The following ZBTB16 variants were observed in gnomAD, a reference collection of about 807,000 sequenced individuals.
ZBTB16 encodes zinc finger and BTB domain-containing protein 16.
A neutral mutation model predicts 56.8 loss-of-function variants in ZBTB16; 8 were observed. That is an observed-to-expected ratio of 0.14 (90% CI 0.08 to 0.25). The LOEUF is 0.25. ZBTB16 is among the 10% of genes least tolerant of loss of function. The pLI is 1.00. For missense variants in ZBTB16, 625 were observed against 903.0 expected (o/e 0.69, Z 3.95); for synonymous variants, 363 against 368.5 (o/e 0.98, Z 0.17).
intron 4 of ZBTB16, among the ~76,000 whole-genome samples, chr11:114,222,764 C>A (rs1425440420): frequency 6.6e-6 from 1 of 152,204 alleles, no homozygotes; most frequent in Non-Finnish European, 1.5e-5. Context: ...TTTCCATTAG[C>A]ATCCCTGTTC....
chr11:114,068,447 G>A (rs1166828861), intron 2 of ZBTB16, among the ~76,000 whole-genome samples: 1 of 152,182 alleles, frequency 6.6e-6, no homozygotes, highest in Non-Finnish European at 1.5e-5. Flanking sequence ...TCCTGCAGCG[G>A]ACAGCAAGAT....
chr11:114,108,779 G>A (rs1323905703), intron 2 of ZBTB16, among the ~76,000 whole-genome samples: 1 of 152,234 alleles, frequency 6.6e-6, no homozygotes, highest in African/African-American at 2.4e-5. Flanking sequence ...GAAGTTCAAA[G>A]AGGTTAGATG....
chr11:114,130,621 C>T (rs1315727136), intron 2 of ZBTB16, among the ~76,000 whole-genome samples: 3 of 152,174 alleles, frequency 2.0e-5, no homozygotes, highest in Non-Finnish European at 4.4e-5. Flanking sequence ...CTTTTATTAG[C>T]GAGCTCTGGA....
At chr11:114,209,749 C>CT (rs756950359) in intron 4 of ZBTB16, 210 of 985,340 alleles carry the variant, frequency 2.1e-4, no homozygotes, top group Non-Finnish European at 2.5e-4. Context: ...CCCTCTCTCA[C>CT]TTGCCACTTC....
At chr11:114,241,367 G>A (rs1329646852) in intron 4 of ZBTB16, among the ~76,000 whole-genome samples, 1 of 152,164 alleles carries the variant, frequency 6.6e-6, no homozygotes, top group African/African-American at 2.4e-5. Context: ...GCCATGGTCT[G>A]TGAGGAGCTG....
intron 2 of ZBTB16, among the ~76,000 whole-genome samples, chr11:114,075,319 T>C (rs565731119): frequency 2.6e-4 from 40 of 152,274 alleles, no homozygotes; most frequent in African/African-American, 9.1e-4. Flanking sequence ...TGATTCATAC[T>C]GGTGGTAGAG....
At chr11:114,088,556 C>A (rs1940054045) in intron 2 of ZBTB16, among the ~76,000 whole-genome samples, 1 of 152,184 alleles carries the variant, frequency 6.6e-6, no homozygotes, top group African/African-American at 2.4e-5. Context: ...CCACTGCTCC[C>A]CTTCAGAGTC....
intron 5 of ZBTB16, among the ~76,000 whole-genome samples, chr11:114,244,528 C>G (rs1235637213): frequency 2.0e-5 from 3 of 152,144 alleles, no homozygotes; most frequent in Non-Finnish European, 4.4e-5. Context: ...TACATTATGG[C>G]CACACTGACA....
chr11:114,189,797 A>G (rs546406), intron 4 of ZBTB16: 88,293 of 151,326 alleles, frequency 0.58, 26,226 homozygotes, highest in African/African-American at 0.67. Flanking sequence ...ACACAGAATT[A>G]TCATACGATG....
chr11:114,231,847 T>C (rs1944446601), intron 4 of ZBTB16, among the ~76,000 whole-genome samples: 1 of 152,144 alleles, frequency 6.6e-6, no homozygotes, highest in Non-Finnish European at 1.5e-5. Flanking sequence ...TTCAATAGAA[T>C]TGTTGAATAT....
intron 4 of ZBTB16, among the ~76,000 whole-genome samples, chr11:114,191,371 C>T (rs527942165): frequency 6.2e-4 from 94 of 152,248 alleles, no homozygotes; most frequent in African/African-American, 2.0e-3. Flanking sequence ...TAAATACTTA[C>T]CACTGTGTTA....
In ZBTB16 at chr11:114,063,256, G is replaced by T; in HGVS notation, c.-45G>T. On this transcript the variant is annotated 5_prime_UTR_variant, in exon 2 of 7. Coordinates refer to ENST00000335953, the MANE Select transcript of ZBTB16 (RefSeq NM_006006.6). The surrounding 1 kb of genome is among the most constrained non-coding windows in gnomAD (Gnocchi z 6.5). ...AGCCCACCCAGCCCCGCCACGCAGA[G>T]CCCAGAAGGAAAGAAAGCCTCATGC... 6.2e-7 allele frequency: 1 copy of T among 1,608,176 alleles called. No homozygotes were observed. Among genetic ancestry groups the T allele is most frequent in the South Asian group, 1.1e-5 (1 of 90,464 alleles).
At chr11:114,119,431 TGACCTG>T (rs1486958706) in intron 2 of ZBTB16, among the ~76,000 whole-genome samples, 2 of 152,076 alleles carry the variant, frequency 1.3e-5, no homozygotes, top group Non-Finnish European at 2.9e-5. Flanking sequence ...TCCCCTTTGC[TGACCTG>T]GACTGGCCTG....
intron 4 of ZBTB16, among the ~76,000 whole-genome samples, chr11:114,220,332 G>C (rs962315786): frequency 6.6e-6 from 1 of 152,210 alleles, no homozygotes; most frequent in Non-Finnish European, 1.5e-5. Flanking sequence ...CCACTGTGGT[G>C]TTGGAGTGGG....
intron 6 of ZBTB16, 80 bp downstream of exon 6, chr11:114,247,445 C>T (rs748507316): frequency 1.3e-6 from 2 of 1,586,038 alleles, no homozygotes; most frequent in East Asian, 4.5e-5. Flanking sequence ...CTAGAGAAGC[C>T]TAAGTGAGGA....
intron 2 of ZBTB16, among the ~76,000 whole-genome samples, chr11:114,101,042 T>A (rs920449559): frequency 1.3e-5 from 2 of 152,078 alleles, no homozygotes; most frequent in African/African-American, 4.8e-5. Context: ...ACTCTGTTGC[T>A]CAGGCTGGAG....
At chr11:114,196,346 T>G (rs1943608975) in intron 4 of ZBTB16, among the ~76,000 whole-genome samples, 1 of 152,196 alleles carries the variant, frequency 6.6e-6, no homozygotes, top group Non-Finnish European at 1.5e-5. Context: ...ATCTCTTGAC[T>G]TCTTCAAATA....
chr11:114,063,280 G>C lies in ZBTB16; in HGVS notation c.-21G>C. 6.2e-7 allele frequency: 1 copy of C among 1,612,730 alleles called. No individual in the cohort carries two copies. Among genetic ancestry groups the C allele is most frequent in the Non-Finnish European group, 8.5e-7 (1 of 1,179,824 alleles). On this transcript the variant is annotated 5_prime_UTR_variant, in exon 2 of 7. The change abolishes an upstream ATG in the 5' untranslated region. Coordinates refer to ENST00000335953, the MANE Select transcript of ZBTB16 (RefSeq NM_006006.6). This position sits in a 1 kb window ranked among gnomAD's most constrained non-coding sequence, Gnocchi z 6.5. ...AGCCCAGAAGGAAAGAAAGCCTCAT[G>C]CCTGAGCCGAGGGGAGCACCATGGA...
chr11:114,148,038 C>T (rs1041892246), intron 2 of ZBTB16, among the ~76,000 whole-genome samples: 6 of 152,154 alleles, frequency 3.9e-5, no homozygotes, highest in African/African-American at 1.2e-4. Context: ...AACAAAGGAC[C>T]GGTTACGTAG....
Sources: allele counts gnomAD v4.1 joint callset (sites outside exome capture counted in the v4.1 genomes callset), GRCh38; gene constraint gnomAD v4.1.1; non-coding constraint Gnocchi (gnomAD v3.1); transcripts MANE v1.5; gene names NCBI Gene and HGNC (gene_info 2026-07-23, HGNC 2026-07-21).